The following MAX variants were observed in gnomAD, a reference collection of about 807,000 sequenced individuals.
The protein encoded by MAX is MYC associated transcriptional regulator X.
A neutral mutation model predicts 22.3 loss-of-function variants in MAX; 3 were observed. The observed-to-expected ratio is 0.13, with a 90% CI of 0.06 to 0.35. The LOEUF (loss-of-function observed/expected upper bound fraction) is 0.35, where lower values mean the gene tolerates loss of function less well. Ranked by LOEUF, MAX falls within the 10% of genes least tolerant of loss-of-function variation. MAX has a pLI of 1.00. For synonymous variants in MAX, 72 were observed against 77.7 expected (o/e 0.93, Z 0.39); for missense variants, 119 against 209.4 (o/e 0.57, Z 2.66).
chr14:65,022,588 A>G (rs1402663623), intron 3 of MAX, among the ~76,000 whole-genome samples: 1 of 152,134 alleles, frequency 6.6e-6, no homozygotes, highest in East Asian at 1.9e-4. Flanking sequence ...GCTGGTCTCA[A>G]ACTCTTGGCC....
rs2063063134 is a variant in MAX, at chr14:65,076,590, G to A, written c.369C>T (p.Tyr123=). The A allele has an allele frequency of 1.2e-6, 2 of 1,614,166 alleles. No individual in the cohort carries two copies. Among genetic ancestry groups the A allele is most frequent in the Non-Finnish European group, 1.7e-6 (2 of 1,180,024 alleles). ...TNYPSSDNSL[Y]TNAKGSTISA... is the part of the protein sequence containing the mutation. ...AGATGGTGCTGCCCTTGGCGTTGGTGTAGAGGCTGTTGTCTGAGGAGGGGT... is the reference window on the plus strand; with the variant it reads ...AGATGGTGCTGCCCTTGGCGTTGGTATAGAGGCTGTTGTCTGAGGAGGGGT... Residue 123 remains tyrosine, a synonymous_variant, in exon 5 of 5, where the codon TAC becomes TAT. Coordinates refer to ENST00000358664, the MANE Select transcript of MAX (RefSeq NM_002382.5). This position sits in a 1 kb window ranked among gnomAD's most constrained non-coding sequence, Gnocchi z 6.6.
At chr14:65,040,972 A>G in intron 3 of MAX, 1 of 1,598,030 alleles carries the variant, frequency 6.3e-7, no homozygotes, top group Non-Finnish European at 8.5e-7. Flanking sequence ...TGGTGATGTG[A>G]TTGTACTCAG....
chr14:65,059,835 T>A (rs2062820142), intron 3 of MAX, among the ~76,000 whole-genome samples: 1 of 131,760 alleles, frequency 7.6e-6, no homozygotes, highest in South Asian at 2.3e-4. Flanking sequence ...TGGTCCTTTT[T>A]TCTTTTTTTT....
chr14:65,101,776 C>A, intron 1 of MAX: 1 of 599,286 alleles, frequency 1.7e-6, no homozygotes. Flanking sequence ...TCCCGAGCGC[C>A]GCCCCTCCTT....
chr14:65,101,534 T>C lies in MAX; in HGVS notation c.63+12A>G, dbSNP rs760898911. The C allele has an allele frequency of 6.2e-7, 1 of 1,606,712 alleles. No individual in the cohort carries two copies. Among genetic ancestry groups the C allele is most frequent in the Admixed American group, 1.7e-5 (1 of 59,742 alleles). On this transcript the variant is annotated intron_variant, in intron 2 of 4. Transcript: ENST00000358664. The stretch of plus-strand genomic sequence containing the variant: ...ACGGAAATAAAAATGAAATGGAGAG[T>C]AGGAGACGTACCGCAGATTGAAACC...
In MAX at chr14:65,084,218, T is replaced by G. The variant is rs145163076; in HGVS notation, c.172-6182A>C. ...TCTTTTTTCTTGTGCACTTGGTAGC[T>G]TGAAATGAAGGTGTGGCATTTCTGC... On this transcript the variant is annotated intron_variant, in intron 3 of 4. Coordinates refer to ENST00000358664, the MANE Select transcript of MAX (RefSeq NM_002382.5). The surrounding 1 kb of genome is among the most constrained non-coding windows in gnomAD (Gnocchi z 4.3). 2.5e-6 allele frequency: 4 copies of G among 1,614,148 alleles called. No individual in the cohort carries two copies. In the South Asian group the frequency reaches 4.4e-5, roughly 18 times the overall value.
chr14:65,098,731 G>A (rs779574642), intron 2 of MAX, among the ~76,000 whole-genome samples: 1 of 152,002 alleles, frequency 6.6e-6, no homozygotes, highest in Non-Finnish European at 1.5e-5. Flanking sequence ...ATACTCTTTG[G>A]GGTTACTTCC....
At chr14:65,045,494 C>A (rs2062458244) in intron 3 of MAX, among the ~76,000 whole-genome samples, 2 of 148,162 alleles carry the variant, frequency 1.3e-5, no homozygotes, top group Non-Finnish European at 3.0e-5. Context: ...TGGCTCACTG[C>A]AGCCTCCACC....
At position 65,012,306 on chromosome 14, in the gene MAX, T is replaced by C; in HGVS notation, c.172-6022A>G. 1 of 1,614,072 alleles carries C rather than the reference T, an allele frequency of 6.2e-7. No individual in the cohort carries two copies. Among genetic ancestry groups the C allele is most frequent in the South Asian group, 1.1e-5 (1 of 91,090 alleles). ...TATTAGAATGGGCTTATAAACTGTT[T>C]GTCTTTCCAGGCTTGTTTTGCAGAG... On this transcript the variant is annotated intron_variant, in intron 3 of 3. Coordinates refer to the MAX transcript ENST00000341653. The surrounding 1 kb of genome is among the most constrained non-coding windows in gnomAD (Gnocchi z 5.0).
In MAX at chr14:65,023,181, C is replaced by T. The variant is rs1385944100; in HGVS notation, c.172-16897G>A. On this transcript the variant is annotated intron_variant, in intron 3 of 3. Transcript: ENST00000341653. This position sits in a 1 kb window ranked among gnomAD's most constrained non-coding sequence, Gnocchi z 4.1. ...TCAAGTGATCCTCCCACCTCAGCCT[C>T]CTGAGTAGCTGGGGCTAGAGGTGGG... Among the ~76,000 whole-genome samples, 1 of 152,138 alleles carries T rather than the reference C, an allele frequency of 6.6e-6. No homozygotes were observed. The highest frequency in any genetic ancestry group is 2.4e-5 in the African/African-American group (1 of 41,420).
chr14:65,091,415 T>C (rs1427740643), intron 3 of MAX, among the ~76,000 whole-genome samples: 2 of 152,238 alleles, frequency 1.3e-5, no homozygotes, highest in Admixed American at 6.5e-5. Flanking sequence ...GAAATTAGAA[T>C]GGTATCTAGT....
intron 3 of MAX, among the ~76,000 whole-genome samples, chr14:65,089,278 T>G (rs750230130): frequency 5.8e-4 from 88 of 152,212 alleles, no homozygotes; most frequent in Non-Finnish European, 1.1e-3. Context: ...TGATAGGAAC[T>G]GACAGAGGCA....
intron 3 of MAX, among the ~76,000 whole-genome samples, chr14:65,085,220 G>C (rs890299017): frequency 6.6e-6 from 1 of 152,046 alleles, no homozygotes; most frequent in African/African-American, 2.4e-5. Flanking sequence ...TTTTTAATTG[G>C]TTCTACTCGA....
chr14:65,052,924 AGGTAAGCTAAACAGCT>A (rs2139673300), intron 3 of MAX, among the ~76,000 whole-genome samples: 1 of 152,292 alleles, frequency 6.6e-6, no homozygotes, highest in East Asian at 1.9e-4. Flanking sequence ...CAGTCTGGGA[AGGTAAGCTAAACAGCT>A]AGGCTGGTTC....
chr14:65,045,026 C>T (rs913236844), intron 3 of MAX, among the ~76,000 whole-genome samples: 1 of 152,116 alleles, frequency 6.6e-6, no homozygotes, highest in Non-Finnish European at 1.5e-5. Flanking sequence ...GAGTTTGTTC[C>T]ACCTGCACCA....
At position 65,054,350 on chromosome 14, in the gene MAX, G is replaced by A. The variant is rs541586300; in HGVS notation, c.171+39358C>T. ...GGTTTTGAACTCCTGGCCTCAAACC[G>A]TTCTCTTGCCTCAGCCTCCTGCTTG... On this transcript the variant is annotated intron_variant, in intron 3 of 3. Transcript: ENST00000341653. This position sits in a 1 kb window ranked among gnomAD's most constrained non-coding sequence, Gnocchi z 4.4. Among the ~76,000 whole-genome samples the A allele has an allele frequency of 2.0e-5, 3 of 151,818 alleles. No individual in the cohort carries two copies. The highest frequency in any genetic ancestry group is 2.0e-4 in the East Asian group (1 of 5,064).
intron 3 of MAX, among the ~76,000 whole-genome samples, chr14:65,013,347 A>C (rs148000174): frequency 2.8e-4 from 42 of 151,596 alleles, no homozygotes; most frequent in African/African-American, 9.7e-4. Flanking sequence ...TCTTCCTCCA[A>C]ATGAAGCCGG....
At chr14:65,092,616 G>T (rs2063540787) in intron 3 of MAX, among the ~76,000 whole-genome samples, 1 of 152,140 alleles carries the variant, frequency 6.6e-6, no homozygotes, top group Admixed American at 6.5e-5. Context: ...TTCTGGTTTT[G>T]CAATACCAGG....
rs2063121107 is a variant in MAX at position 65,078,523 on chromosome 14, TG to T, written c.172-488del. Among the ~76,000 whole-genome samples the T allele has an allele frequency of 6.6e-6, 1 of 150,388 alleles. No individual in the cohort carries two copies. Among genetic ancestry groups the T allele is most frequent in the Non-Finnish European group, 1.5e-5 (1 of 67,688 alleles). ...ACTGCGCCCAGCCTGTTGTTGTTGT[TG>T]TTGTTGTTGTTTTTTTTTTTTTGGA... On this transcript the variant is annotated intron_variant, in intron 3 of 4. Coordinates refer to ENST00000358664, the MANE Select transcript of MAX (RefSeq NM_002382.5). The surrounding 1 kb of genome is among the most constrained non-coding windows in gnomAD (Gnocchi z 6.4).
Sources: gnomAD v4.1 joint callset for allele counts (sites outside exome capture counted in the v4.1 genomes callset) on GRCh38, gnomAD v4.1.1 for gene constraint, Gnocchi (gnomAD v3.1) non-coding constraint, MANE v1.5 for transcripts, NCBI Gene and HGNC (gene_info 2026-07-23, HGNC 2026-07-21) for gene names.